Variants in IGSF10 observed in about 807,000 individuals in gnomAD.
IGSF10 encodes immunoglobulin superfamily member 10, also known as calvaria mechanical force protein 608.
IGSF10 carries 126 observed loss-of-function variants against 128.2 expected under a neutral mutation model. That is an observed-to-expected ratio of 0.98 (90% CI 0.85 to 1.14). The LOEUF (loss-of-function observed/expected upper bound fraction) is 1.14, where lower values mean the gene tolerates loss of function less well. IGSF10 is among the 50% of genes most tolerant of loss of function. IGSF10 has a pLI of 0.00. For synonymous variants in IGSF10, 1,185 were observed against 1,146.2 expected, an observed-to-expected ratio of 1.03 and a Z score of -0.68; for missense variants, 3,295 against 3,149.8, an observed-to-expected ratio of 1.05 and a Z score of -1.10.
At chr3:151,544,796 T>C in the IGSF10 span, among the ~76,000 whole-genome samples, 2 of 152,066 alleles carry the variant, frequency 1.3e-5, no homozygotes, top group Non-Finnish European at 1.5e-5. Flanking sequence ...AATCTGAAGA[T>C]TTTTGTGTTT....
chr3:151,439,053 T>C (rs1367836219), intron 7 of IGSF10, among the ~76,000 whole-genome samples: 1 of 152,168 alleles, frequency 6.6e-6, no homozygotes, highest in African/African-American at 2.4e-5. Flanking sequence ...TGCAAGTAAG[T>C]ATTTCTCAGA....
the IGSF10 span, among the ~76,000 whole-genome samples, chr3:151,595,523 T>A: frequency 6.7e-6 from 1 of 148,788 alleles, no homozygotes; most frequent in Admixed American, 6.7e-5. Context: ...AATACTCTAA[T>A]ATATTATTAT....
the IGSF10 span, among the ~76,000 whole-genome samples, chr3:151,617,289 C>CTTCTTCTTCTTCTTT: frequency 8.1e-6 from 1 of 122,948 alleles, no homozygotes; most frequent in Non-Finnish European, 1.7e-5. Context: ...TCTTCTTCTT[C>CTTCTTCTTCTTCTTT]TTCTTCTTCT....
At chr3:151,550,654 A>T in the IGSF10 span, among the ~76,000 whole-genome samples, 7 of 151,918 alleles carry the variant, frequency 4.6e-5, no homozygotes, top group Non-Finnish European at 8.8e-5. Flanking sequence ...TTTAAAAAAG[A>T]AGTTGGTCAT....
chr3:151,528,620 C>T, the IGSF10 span, among the ~76,000 whole-genome samples: 51,830 of 152,036 alleles, frequency 0.34, 9,392 homozygotes, highest in Middle Eastern at 0.43. Context: ...TTTCCCTCCC[C>T]TAGCCAAGGG....
chr3:151,616,691 A>G, the IGSF10 span, among the ~76,000 whole-genome samples: 2 of 152,210 alleles, frequency 1.3e-5, no homozygotes, highest in Non-Finnish European at 2.9e-5. Context: ...CTTTCCACAA[A>G]TAAGTTAACT....
chr3:151,460,939 C>G lies in IGSF10; in HGVS notation c.-89+7G>C. On this transcript the variant is annotated splice_region_variant and intron_variant, in intron 1 of 7. Transcript: ENST00000282466. The stretch of plus-strand genomic sequence containing the variant: ...CTTTCCGGGGAAGGATTGGCCGAGG[C>G]GCTCACCTGTTTGCCCTGGTGACCA... 1 of 985,366 alleles carries G rather than the reference C, an allele frequency of 1.0e-6. No individual in the cohort carries two copies. The highest frequency in any genetic ancestry group is 1.2e-6 in the Non-Finnish European group (1 of 829,890). 61.0% of individuals were successfully genotyped at this position (985,366 alleles called of 1,614,324 possible).
the IGSF10 span, among the ~76,000 whole-genome samples, chr3:151,535,195 C>T: frequency 6.6e-6 from 1 of 152,024 alleles, no homozygotes; most frequent in African/African-American, 2.4e-5. Flanking sequence ...TATTTTATTC[C>T]TAGTAGAGGT....
chr3:151,573,905 C>T, the IGSF10 span, among the ~76,000 whole-genome samples: 1 of 152,262 alleles, frequency 6.6e-6, no homozygotes, highest in East Asian at 1.9e-4. Context: ...CCTTCAGGAG[C>T]TCTTGTAAGG....
downstream of IGSF10, chr3:151,435,537 C>CTAACT (rs1720050418): frequency 6.6e-6 from 1 of 152,038 alleles, no homozygotes; most frequent in South Asian, 2.1e-4. Flanking sequence ...TTGGCAGGGG[C>CTAACT]TAACTTATTA....
the IGSF10 span, among the ~76,000 whole-genome samples, chr3:151,492,746 C>CAAAG: frequency 3.2e-3 from 14 of 4,442 alleles, no homozygotes; most frequent in Admixed American, 0.016. Context: ...AAAATTAAAG[C>CAAAG]AAACAAACAA....
the IGSF10 span, among the ~76,000 whole-genome samples, chr3:151,592,567 A>T: frequency 6.6e-6 from 1 of 152,120 alleles, no homozygotes; most frequent in Non-Finnish European, 1.5e-5. Context: ...CACCTCTTTT[A>T]CAGCAGGCAG....
At chr3:151,444,355 T>A (rs1297084975) in intron 6 of IGSF10, among the ~76,000 whole-genome samples, 1 of 152,232 alleles carries the variant, frequency 6.6e-6, no homozygotes, top group Admixed American at 6.5e-5. Context: ...TTGCCCAGGC[T>A]GGAGTGCAAT....
Position 151,438,185 on chromosome 3 carries a change from C to T in IGSF10, c.6376G>A (p.Gly2126Arg). 6.2e-7 allele frequency: 1 copy of T among 1,614,146 alleles called. No homozygotes were observed. Among genetic ancestry groups the T allele is most frequent in the South Asian group, 1.1e-5 (1 of 91,086 alleles). Reference sequence around the variant, plus strand: ...AAGTGGACCTTCATTTCATCTTTCCCTAGGGTGTTCTGGGCATAGCAAGTA... The same window carrying T: ...AAGTGGACCTTCATTTCATCTTTCCTTAGGGTGTTCTGGGCATAGCAAGTA... ...DYTCYAQNTL[G>R]KDEMKVHLTV... Residue 2126 changes from glycine to arginine, a missense_variant, in exon 8 of 8, where the codon GGG becomes AGG. Physicochemically the swap from Gly to Arg is moderately radical, Grantham distance 125 (BLOSUM62 -2). Coordinates refer to ENST00000282466, the MANE Select transcript of IGSF10 (RefSeq NM_178822.5).
At position 151,437,994 on chromosome 3, in the gene IGSF10, C is replaced by T. The variant is rs1720519936; in HGVS notation, c.6567G>A (p.Arg2189=). ...AAGACCCATTGGCATGAAATGTGTA[C>T]CTATCAATGGAGAAGGAAATCATGT... The part of the protein sequence containing the change: ...SNDMISFSID[R]YTFHANGSLT... The change falls in exon 8 of 8, where the codon AGG becomes AGA. Residue 2189 remains arginine (R), a synonymous_variant. Coordinates refer to ENST00000282466, the MANE Select transcript of IGSF10 (RefSeq NM_178822.5). 6.2e-7 allele frequency: 1 copy of T among 1,614,038 alleles called. No individual in the cohort carries two copies. Among genetic ancestry groups the T allele is most frequent in the African/African-American group, 1.3e-5 (1 of 74,906 alleles).
the IGSF10 span, among the ~76,000 whole-genome samples, chr3:151,533,463 C>A: frequency 6.6e-6 from 1 of 152,092 alleles, no homozygotes; most frequent in African/African-American, 2.4e-5. Flanking sequence ...GATATATAGA[C>A]CAATGGAACA....
chr3:151,565,758 A>G, the IGSF10 span: 1 of 152,096 alleles, frequency 6.6e-6, no homozygotes, highest in African/African-American at 2.4e-5. Context: ...GTATTTGAGA[A>G]ACACTGTTCT....
the IGSF10 span, among the ~76,000 whole-genome samples, chr3:151,484,692 G>C: frequency 7.2e-6 from 1 of 139,078 alleles, no homozygotes; most frequent in African/African-American, 2.7e-5. Context: ...AACTCCAGCA[G>C]ACCTGCAAAA....
chr3:151,471,065 G>T, the IGSF10 span, among the ~76,000 whole-genome samples: 16 of 152,174 alleles, frequency 1.1e-4, no homozygotes, highest in African/African-American at 3.6e-4. Flanking sequence ...AATAATCCCT[G>T]TGGGGATTAT....
Sources: gnomAD v4.1 joint callset for allele counts (sites outside exome capture counted in the v4.1 genomes callset) on GRCh38, gnomAD v4.1.1 for gene constraint, MANE v1.5 for transcripts, NCBI Gene and HGNC (gene_info 2026-07-23, HGNC 2026-07-21) for gene names.